PLAGL1: variants seen among roughly 807,000 people sequenced by gnomAD.
The protein encoded by PLAGL1 is PLAG1 like zinc finger 1, also known as zinc finger protein PLAGL1.
In PLAGL1, 1 loss-of-function variant was observed where a neutral mutation model predicts 4.6. That is an observed-to-expected ratio of 0.22 (90% CI 0.08 to 1.03). PLAGL1 has a LOEUF of 1.03. Ranked by LOEUF, PLAGL1 falls within the 50% of genes least tolerant of loss-of-function variation. The pLI is 0.58. For synonymous variants in PLAGL1, 240 were observed against 237.8 expected, an observed-to-expected ratio of 1.01 and a Z score of -0.08; for missense variants, 464 against 570.4, an observed-to-expected ratio of 0.81 and a Z score of 1.90.
chr6:144,024,003 CTGGCCTCAAGCAAT>C (rs1175064928), intron 1 of PLAGL1, among the ~76,000 whole-genome samples: 1 of 152,010 alleles, frequency 6.6e-6, no homozygotes, highest in Non-Finnish European at 1.5e-5. Flanking sequence ...TCTTGAACCC[CTGGCCTCAAGCAAT>C]TGGCCCGCCT....
intron 1 of PLAGL1, among the ~76,000 whole-genome samples, chr6:144,002,283 T>C (rs966942819): frequency 6.6e-6 from 1 of 152,118 alleles, no homozygotes; most frequent in Non-Finnish European, 1.5e-5. Context: ...CTCAATCTGG[T>C]AAAGAACATC....
chr6:144,047,442 A>C (rs1798248565), intron 1 of PLAGL1, among the ~76,000 whole-genome samples: 1 of 152,198 alleles, frequency 6.6e-6, no homozygotes, highest in South Asian at 2.1e-4. Flanking sequence ...AATCTGCCCA[A>C]GATGGGGTAA....
At chr6:144,047,032 C>T (rs958397896) in intron 1 of PLAGL1, among the ~76,000 whole-genome samples, 3 of 152,206 alleles carry the variant, frequency 2.0e-5, no homozygotes, top group African/African-American at 7.2e-5. Context: ...CCTGGTGTGC[C>T]GTTTGCTAAG....
chr6:143,985,508 C>A lies in PLAGL1; in HGVS notation c.-583-334G>T, dbSNP rs1175051775. ...CATGTTGCCCTTTTACAATCACACA[C>A]CACCTCCTTTGCCAAAATCTCTTTC... is the stretch of plus-strand genomic sequence containing the variant. On this transcript the variant is annotated intron_variant, in intron 1 of 7. Coordinates refer to ENST00000674357, the MANE Select transcript of PLAGL1 (RefSeq NM_001317162.2). The surrounding 1 kb of genome is among the most constrained non-coding windows in gnomAD (Gnocchi z 4.4). 6.6e-6 allele frequency among the ~76,000 whole-genome samples: 1 copy of A among 152,138 alleles called. No homozygotes were observed. Among genetic ancestry groups the A allele is most frequent in the Non-Finnish European group, 1.5e-5 (1 of 68,016 alleles).
In PLAGL1 at chr6:143,948,895, T is replaced by A. The variant is rs1480966664; in HGVS notation, c.-324-435A>T. On this transcript the variant is annotated intron_variant, in intron 6 of 7. Transcript: ENST00000674357. The surrounding 1 kb of genome is among the most constrained non-coding windows in gnomAD (Gnocchi z 6.0). ...CCACGGGCTCTTCCTCATCACTCAT[T>A]GTTGGCATAACATTAGTTGCTTATC... Among the ~76,000 whole-genome samples the A allele has an allele frequency of 1.3e-5, 2 of 152,346 alleles. No individual in the cohort carries two copies. Among genetic ancestry groups the A allele is most frequent in the South Asian group, 2.1e-4 (1 of 4,826 alleles).
chr6:144,058,621 T>C (rs753139550), intron 1 of PLAGL1, among the ~76,000 whole-genome samples: 13 of 152,162 alleles, frequency 8.5e-5, no homozygotes, highest in Non-Finnish European at 1.6e-4. Flanking sequence ...ACTTCCAAAA[T>C]ACAATGGTGG....
At chr6:144,001,186 A>G (rs1002759965) in intron 1 of PLAGL1, among the ~76,000 whole-genome samples, 2 of 149,882 alleles carry the variant, frequency 1.3e-5, no homozygotes, top group African/African-American at 4.9e-5. Context: ...AAAAAAAAAA[A>G]ATAAAAATTT....
At chr6:144,052,251 G>T (rs1798631841) in intron 1 of PLAGL1, among the ~76,000 whole-genome samples, 1 of 152,136 alleles carries the variant, frequency 6.6e-6, no homozygotes, top group African/African-American at 2.4e-5. Flanking sequence ...GCAAGGAAAA[G>T]ACTACCACCA....
rs181709329 is a variant in PLAGL1, at chr6:143,945,579, G to C, written c.152+2406C>G. Among the ~76,000 whole-genome samples the C allele has an allele frequency of 2.0e-5, 3 of 152,108 alleles. No individual in the cohort carries two copies. Among genetic ancestry groups the C allele is most frequent in the Non-Finnish European group, 4.4e-5 (3 of 68,008 alleles). On this transcript the variant is annotated intron_variant, in intron 7 of 7. Transcript: ENST00000674357. The surrounding 1 kb of genome is among the most constrained non-coding windows in gnomAD (Gnocchi z 4.2). ...CAACCTCTGCCTCCCGGGTTCAAGT[G>C]ATCCTCCTACCTCAGCCTCCCGAGT...
Position 143,945,632 on chromosome 6 carries a change from C to G in PLAGL1, c.152+2353G>C, listed in dbSNP as rs1032476342. ...CTGGGATTACAGGCGTGTACCACCACGCCCAGCTAATTTTTTGTATTTTTA... is the reference window on the plus strand; with the variant it reads ...CTGGGATTACAGGCGTGTACCACCAGGCCCAGCTAATTTTTTGTATTTTTA... On this transcript the variant is annotated intron_variant, in intron 7 of 7. Transcript: ENST00000674357. The surrounding 1 kb of genome is among the most constrained non-coding windows in gnomAD (Gnocchi z 4.2). Among the ~76,000 whole-genome samples, 2 of 152,152 alleles carry G rather than the reference C, an allele frequency of 1.3e-5. No homozygotes were observed. Among genetic ancestry groups the G allele is most frequent in the Non-Finnish European group, 2.9e-5 (2 of 68,030 alleles).
At chr6:144,051,572 C>A (rs1391073329) in intron 1 of PLAGL1, among the ~76,000 whole-genome samples, 2 of 152,178 alleles carry the variant, frequency 1.3e-5, no homozygotes, top group South Asian at 2.1e-4. Flanking sequence ...CAACCAAGTT[C>A]AAACATATTG....
Position 144,027,082 on chromosome 6 carries a change from G to T in PLAGL1, c.-151+37386C>A, listed in dbSNP as rs1796392904. On this transcript the variant is annotated intron_variant, in intron 1 of 3. Transcript: ENST00000437412. This position sits in a 1 kb window ranked among gnomAD's most constrained non-coding sequence, Gnocchi z 5.8. ...AAAACAAAATTAAAAAAATTAGTCA[G>T]CCGCGGTGGCATGCATCTGTGATCC... Among the ~76,000 whole-genome samples the T allele has an allele frequency of 6.6e-6, 1 of 151,892 alleles. No individual in the cohort carries two copies. Among genetic ancestry groups the T allele is most frequent in the South Asian group, 2.1e-4 (1 of 4,802 alleles).
rs756540757 is a variant in PLAGL1 at position 143,941,454 on chromosome 6, G to A, written c.1362C>T (p.Ile454=). The change falls in exon 8 of 8, where the codon ATC becomes ATT. Residue 454 remains isoleucine, a synonymous_variant. Transcript: ENST00000674357. This position sits in a 1 kb window ranked among gnomAD's most constrained non-coding sequence, Gnocchi z 6.0. ...HVFSAGTGSA[I]LPHFHHAFR is the part of the protein sequence containing the mutation. ...TGAATGCATGATGGAAATGAGGCAG[G>A]ATGGCAGAGCCAGTGCCAGCTGAGA... 1.3e-6 allele frequency: 2 copies of A among 1,504,856 alleles called. No individual in the cohort carries two copies. The highest frequency in any genetic ancestry group is 8.9e-7 in the Non-Finnish European group (1 of 1,126,776). 93.2% of individuals were successfully genotyped at this position (1,504,856 alleles called of 1,614,324 possible).
At chr6:144,019,333 A>G (rs1225783564) in intron 1 of PLAGL1, among the ~76,000 whole-genome samples, 1 of 152,062 alleles carries the variant, frequency 6.6e-6, no homozygotes, top group Non-Finnish European at 1.5e-5. Flanking sequence ...TTGGCCAGGC[A>G]TGGTGGTGGG....
At chr6:144,003,048 A>G (rs527882338) in intron 1 of PLAGL1, among the ~76,000 whole-genome samples, 2 of 152,324 alleles carry the variant, frequency 1.3e-5, no homozygotes, top group East Asian at 3.9e-4. Flanking sequence ...AAAGTATGGT[A>G]CTGATGCAAG....
Position 144,059,025 on chromosome 6 carries a change from T to C in PLAGL1, c.-151+5443A>G, listed in dbSNP as rs920801729. Among the ~76,000 whole-genome samples the C allele has an allele frequency of 1.3e-5, 2 of 152,214 alleles. No homozygotes were observed. Among genetic ancestry groups the C allele is most frequent in the African/African-American group, 4.8e-5 (2 of 41,448 alleles). On this transcript the variant is annotated intron_variant, in intron 1 of 3. Transcript: ENST00000437412. The surrounding 1 kb of genome is among the most constrained non-coding windows in gnomAD (Gnocchi z 4.9). ...CTGTGTGGTGGCTCCAGCCCCACAT[T>C]TTCCCTCTACATTGCCCTACTAGAG...
Position 144,027,242 on chromosome 6 carries a change from A to AC in PLAGL1, c.-151+37225_-151+37226insG, listed in dbSNP as rs1562587374. Among the ~76,000 whole-genome samples the AC allele has an allele frequency of 2.6e-4, 22 of 86,248 alleles. No homozygotes were observed. In the East Asian group the frequency reaches 5.7e-3, roughly 22 times the overall value. 56.6% of individuals were successfully genotyped at this position (86,248 alleles called of 152,430 possible). A position where few individuals can be genotyped will look rare whatever the true frequency, so the allele number is the denominator to read the frequency against. On this transcript the variant is annotated intron_variant, in intron 1 of 3. Transcript: ENST00000437412. This position sits in a 1 kb window ranked among gnomAD's most constrained non-coding sequence, Gnocchi z 5.8. ...CCAACTCAAAGAACGAACGAAAGAA[A>AC]GAAAGAAAGAAAGAAAGAAAGAAAG...
Position 143,949,521 on chromosome 6 carries a change from C to G in PLAGL1, c.-324-1061G>C, listed in dbSNP as rs1431067046. Among the ~76,000 whole-genome samples the G allele has an allele frequency of 3.9e-5, 6 of 152,324 alleles. No homozygotes were observed. The East Asian group carries it at 9.6e-4, about 24-fold the overall frequency. On this transcript the variant is annotated intron_variant, in intron 6 of 7. Transcript: ENST00000674357. The surrounding 1 kb of genome is among the most constrained non-coding windows in gnomAD (Gnocchi z 5.3). ...CCCACATTTCATCCCTGGACTCTGA[C>G]AGCAGGTTTCAAATCGGCCTCTACC...
intron 2 of PLAGL1, among the ~76,000 whole-genome samples, chr6:143,969,979 T>C (rs1785122150): frequency 6.6e-6 from 1 of 152,122 alleles, no homozygotes; most frequent in Admixed American, 6.6e-5. Context: ...GATGGAAATA[T>C]AGCTTTCAGT....
Sources: allele counts gnomAD v4.1 joint callset (sites outside exome capture counted in the v4.1 genomes callset), GRCh38; gene constraint gnomAD v4.1.1; non-coding constraint Gnocchi (gnomAD v3.1); transcripts MANE v1.5; gene names NCBI Gene and HGNC (gene_info 2026-07-23, HGNC 2026-07-21).